The following COL4A1 variants were observed in gnomAD, a reference collection of about 807,000 sequenced individuals.
The protein encoded by COL4A1 is collagen alpha-1(IV) chain.
A neutral mutation model predicts 216.6 loss-of-function variants in COL4A1; 40 were observed. The observed-to-expected ratio is 0.18, with a 90% CI of 0.14 to 0.24. The LOEUF (loss-of-function observed/expected upper bound fraction) is 0.24. Ranked by LOEUF, COL4A1 falls within the 10% of genes least tolerant of loss-of-function variation. The pLI, the probability that COL4A1 is intolerant of heterozygous loss-of-function variation, is 1.00. For synonymous variants in COL4A1, 839 were observed against 810.7 expected (o/e 1.03, Z -0.59); for missense variants, 1,628 against 2,196.8 (o/e 0.74, Z 5.18).
At chr13:110,267,896 TA>T (rs745305690) in intron 1 of COL4A1, among the ~76,000 whole-genome samples, 3 of 152,098 alleles carry the variant, frequency 2.0e-5, no homozygotes, top group Non-Finnish European at 2.9e-5. Flanking sequence ...TATGTATACA[TA>T]AAAAATATGT....
intron 41 of COL4A1, among the ~76,000 whole-genome samples, chr13:110,171,809 C>A (rs1171900839): frequency 1.3e-5 from 2 of 152,222 alleles, no homozygotes; most frequent in African/African-American, 2.4e-5. Context: ...GAACAGCCCA[C>A]AGCGACCCCT....
At chr13:110,261,036 C>CAAAA (rs575253533) in intron 1 of COL4A1, among the ~76,000 whole-genome samples, 17,101 of 82,212 alleles carry the variant, frequency 0.21, 2,660 homozygotes, top group Middle Eastern at 0.38. Flanking sequence ...GACTCCGTCT[C>CAAAA]AAAAAAAAAA....
intron 16 of COL4A1, 30 bp from the exon 17 acceptor site, chr13:110,205,436 C>T (rs370413357): frequency 7.4e-6 from 12 of 1,613,988 alleles, no homozygotes; most frequent in Admixed American, 1.7e-5. Context: ...CAGTAACCGT[C>T]AGAGGCCAGT....
chr13:110,275,534 A>G (rs762910154), intron 1 of COL4A1, among the ~76,000 whole-genome samples: 1 of 152,192 alleles, frequency 6.6e-6, no homozygotes, highest in Non-Finnish European at 1.5e-5. Flanking sequence ...CAATCCAGCA[A>G]TCATGCTCCT....
intron 50 of COL4A1, among the ~76,000 whole-genome samples, chr13:110,153,883 C>T (rs563504293): frequency 2.0e-5 from 3 of 152,258 alleles, no homozygotes; most frequent in South Asian, 2.1e-4. Context: ...CAATGGTGGG[C>T]GCCTCGCACA....
At position 110,244,713 on chromosome 13, in the gene COL4A1, G is replaced by C. The variant is rs567661813; in HGVS notation, c.85-1979C>G. On this transcript the variant is annotated intron_variant, in intron 1 of 51. Coordinates refer to ENST00000375820, the MANE Select transcript of COL4A1 (RefSeq NM_001845.6). ...ATCACGTTTCTCGTTGTTTACTTCT[G>C]TGTCTCCCCGGTACACCCTGAGTGC... 4.6e-5 allele frequency among the ~76,000 whole-genome samples: 7 copies of C among 152,072 alleles called. 1 individual carries two copies. The highest frequency in any genetic ancestry group is 2.6e-4 in the Admixed American group (4 of 15,276).
Position 110,292,063 on chromosome 13 carries a change from G to A in COL4A1, c.84+14881C>T, listed in dbSNP as rs547172432. 5.9e-5 allele frequency among the ~76,000 whole-genome samples: 9 copies of A among 152,196 alleles called. No homozygotes were observed. The South Asian group carries it at 8.3e-4, about 14-fold the overall frequency. ...TAACATTCGCCAAAACTGTCTTTCC[G>A]ACCGATTTTCCCACCACCCTCAGAA... On this transcript the variant is annotated intron_variant, in intron 1 of 51. Transcript: ENST00000375820.
intron 2 of COL4A1, among the ~76,000 whole-genome samples, chr13:110,228,538 G>C (rs1880857269): frequency 6.9e-6 from 1 of 145,538 alleles, no homozygotes; most frequent in Non-Finnish European, 1.6e-5. Flanking sequence ...CTCCAGGCTG[G>C]GGGACTCTTC....
intron 1 of COL4A1, among the ~76,000 whole-genome samples, chr13:110,302,258 C>T (rs561816174): frequency 5.3e-5 from 8 of 152,254 alleles, no homozygotes; most frequent in Non-Finnish European, 1.2e-4. Context: ...ATGGCAGAGT[C>T]GGGAAGGGTT....
rs114434129 is a variant in COL4A1 at position 110,205,560 on chromosome 13, G to A, written c.859-22C>T. The A allele has an allele frequency of 8.6e-4, 1,393 of 1,612,364 alleles. 9 individuals are homozygous for A. In the African/African-American group the frequency reaches 0.013, roughly 15 times the overall value. On this transcript the variant is annotated intron_variant, in intron 15 of 51. Transcript: ENST00000375820. ...TGCCCTGTAGAATAAAGATGTAAAC[G>A]TTAGTATTTAATAAATAATAGACTG...
chr13:110,242,637 C>T, intron 2 of COL4A1, 38 bp downstream of exon 2: 2 of 1,610,104 alleles, frequency 1.2e-6, no homozygotes, highest in Non-Finnish European at 1.7e-6. Flanking sequence ...CTGTCCAATT[C>T]ACAAAGAAAT....
chr13:110,280,670 T>A (rs1305108668), intron 1 of COL4A1, among the ~76,000 whole-genome samples: 1 of 152,246 alleles, frequency 6.6e-6, no homozygotes, highest in Non-Finnish European at 1.5e-5. Flanking sequence ...GTGTTGGTTT[T>A]ATAAGTGGCC....
At chr13:110,194,307 G>A (rs1878777480) in intron 22 of COL4A1, among the ~76,000 whole-genome samples, 1 of 152,182 alleles carries the variant, frequency 6.6e-6, no homozygotes, top group South Asian at 2.1e-4. Context: ...CAGTTCACAG[G>A]CAGAAATGGT....
intron 24 of COL4A1, among the ~76,000 whole-genome samples, chr13:110,189,194 G>T (rs1878526120): frequency 6.6e-6 from 1 of 152,176 alleles, no homozygotes; most frequent in East Asian, 1.9e-4. Flanking sequence ...CTTCCGAGCA[G>T]CTGGGATTAT....
At chr13:110,256,125 C>G (rs968591819) in intron 1 of COL4A1, among the ~76,000 whole-genome samples, 3 of 152,020 alleles carry the variant, frequency 2.0e-5, no homozygotes, top group Non-Finnish European at 4.4e-5. Context: ...AAAATCTTGC[C>G]TAACATTTCA....
Position 110,219,662 on chromosome 13 carries a change from GTATATA to G in COL4A1, c.145-5653_145-5648del, listed in dbSNP as rs67727932. ...GTAAGTTGAAAATATATATATATATGTATATATATATATATGTGTATATATATGTAT... is the reference window on the plus strand; with the variant it reads ...GTAAGTTGAAAATATATATATATATGTATATATATGTGTATATATATGTAT... On this transcript the variant is annotated intron_variant, in intron 2 of 51. Transcript: ENST00000375820. Among the ~76,000 whole-genome samples the G allele has an allele frequency of 1.4e-3, 93 of 64,504 alleles. 1 individual carries two copies. Among genetic ancestry groups the G allele is most frequent in the Non-Finnish European group, 3.9e-4 (13 of 33,422 alleles). 42.3% of individuals were successfully genotyped at this position (64,504 alleles called of 152,430 possible). A position where few individuals can be genotyped will look rare whatever the true frequency, so the allele number is the denominator to read the frequency against.
intron 1 of COL4A1, among the ~76,000 whole-genome samples, chr13:110,296,561 T>C (rs1306560765): frequency 6.6e-6 from 1 of 152,222 alleles, no homozygotes; most frequent in Non-Finnish European, 1.5e-5. Flanking sequence ...CACAACAAGC[T>C]TCTGACACCG....
At chr13:110,263,129 C>A (rs944759500) in intron 1 of COL4A1, among the ~76,000 whole-genome samples, 5 of 152,188 alleles carry the variant, frequency 3.3e-5, no homozygotes, top group African/African-American at 1.2e-4. Context: ...GAACTCAAAG[C>A]CAAGAATACA....
rs915015502 is a variant in COL4A1, at chr13:110,212,683, T to G, written c.280-65A>C. On this transcript the variant is annotated intron_variant, in intron 4 of 51. Coordinates refer to ENST00000375820, the MANE Select transcript of COL4A1 (RefSeq NM_001845.6). ...GGAAGCCTCACTTCCTCCTCCTGCA[T>G]CTCCCCGGTTAATGGAGTCATGCCC... 1.9e-5 allele frequency: 30 copies of G among 1,576,098 alleles called. No homozygotes were observed. In the African/African-American group the frequency reaches 3.6e-4, roughly 19 times the overall value.
Sources: allele counts gnomAD v4.1 joint callset (sites outside exome capture counted in the v4.1 genomes callset), GRCh38; gene constraint gnomAD v4.1.1; transcripts MANE v1.5; gene names NCBI Gene and HGNC (gene_info 2026-07-23, HGNC 2026-07-21).